The following PDZD2 variants were observed in gnomAD, a reference collection of about 807,000 sequenced individuals.
The protein encoded by PDZD2 is PDZ domain containing 2, also known as PDZ domain-containing protein 2.
PDZD2 carries 90 observed loss-of-function variants against 220.7 expected under a neutral mutation model. The ratio of observed to expected loss-of-function variants is 0.41; its 90% CI spans 0.34 to 0.49. PDZD2 has a LOEUF of 0.49. PDZD2 is among the 20% of genes least tolerant of loss of function. PDZD2 has a pLI of 0.28. For missense variants in PDZD2, 3,174 were observed against 3,608.5 expected (o/e 0.88, Z 3.08); for synonymous variants, 1,375 against 1,450.5 (o/e 0.95, Z 1.18).
Position 32,098,310 on chromosome 5 carries a change from C to A in PDZD2, c.7948-54C>A. ...GCAGTTAGTTACTATCTCCCTTTTA[C>A]CGGAAATCGTAAGTGGATCTGGTTT... is the stretch of plus-strand genomic sequence containing the variant. On this transcript the variant is annotated intron_variant, in intron 22 of 24. Transcript: ENST00000438447. This position sits in a 1 kb window ranked among gnomAD's most constrained non-coding sequence, Gnocchi z 4.1. 1 of 1,560,200 alleles carries A rather than the reference C, an allele frequency of 6.4e-7. No homozygotes were observed. Among genetic ancestry groups the A allele is most frequent in the South Asian group, 1.2e-5 (1 of 86,248 alleles).
chr5:31,678,462 G>A lies in PDZD2; in HGVS notation c.-361+39025G>A, dbSNP rs572454191. ...GGGACAGTCAGTTCTGGTGGGGGAC[G>A]TCTGGAGCCTGGGGACAGTCAGTTC... On this transcript the variant is annotated intron_variant, in intron 1 of 24. Transcript: ENST00000438447. Among the ~76,000 whole-genome samples the A allele has an allele frequency of 2.1e-4, 32 of 151,704 alleles. No homozygotes were observed. The South Asian group carries it at 2.9e-3, about 14-fold the overall frequency.
rs1554045976 is a variant in PDZD2, at chr5:32,109,128, T to TAA, written c.*994_*995dup. ...AATTTTTAGAAATCAAGTATCTTTCTAAGTGTCCTTGGATTTATAGACAAT... is the reference window on the plus strand; with the variant it reads ...AATTTTTAGAAATCAAGTATCTTTCTAAAAGTGTCCTTGGATTTATAGACAAT... On this transcript the variant is annotated 3_prime_UTR_variant, in exon 25 of 25. Transcript: ENST00000438447. 31 of 152,456 alleles carry TAA rather than the reference T, an allele frequency of 2.0e-4. No individual in the cohort carries two copies. The highest frequency in any genetic ancestry group is 7.0e-4 in the African/African-American group (29 of 41,504). 9.4% of individuals were successfully genotyped at this position (152,456 alleles called of 1,614,324 possible).
intron 8 of PDZD2, among the ~76,000 whole-genome samples, chr5:32,050,688 G>T: frequency 6.6e-6 from 1 of 152,208 alleles, no homozygotes; most frequent in African/African-American, 2.4e-5. Flanking sequence ...GGGTATGGTC[G>T]TGCATACCTG....
intron 6 of PDZD2, among the ~76,000 whole-genome samples, chr5:32,032,664 A>T (rs1480521605): frequency 6.6e-6 from 1 of 152,140 alleles, no homozygotes; most frequent in African/African-American, 2.4e-5. Flanking sequence ...CCTAAAAAAA[A>T]TTTTCCCTGT....
intron 2 of PDZD2, among the ~76,000 whole-genome samples, chr5:31,897,218 T>C (rs1466309476): frequency 6.6e-6 from 1 of 152,192 alleles, no homozygotes; most frequent in East Asian, 1.9e-4. Flanking sequence ...CTAACTCAAA[T>C]CTTGAAATTT....
At chr5:31,730,079 C>T (rs1407483363) in intron 1 of PDZD2, among the ~76,000 whole-genome samples, 1 of 152,200 alleles carries the variant, frequency 6.6e-6, no homozygotes, top group African/African-American at 2.4e-5. Context: ...CTGCCTGACT[C>T]AGCCTCCCAA....
intron 2 of PDZD2, among the ~76,000 whole-genome samples, chr5:31,940,580 A>G (rs774591184): frequency 6.6e-6 from 1 of 152,228 alleles, no homozygotes; most frequent in African/African-American, 2.4e-5. Context: ...GAAGAGAAGG[A>G]TCACCCTATA....
Position 31,698,790 on chromosome 5 carries a change from G to A in PDZD2, c.-361+59353G>A, listed in dbSNP as rs185259052. Among the ~76,000 whole-genome samples, 589 of 152,254 alleles carry A rather than the reference G, an allele frequency of 3.9e-3. 4 individuals carry two copies. The highest frequency in any genetic ancestry group is 6.1e-3 in the Non-Finnish European group (415 of 68,014). ...TAAGTAGGTGGCCCCAAGGTTACAC[G>A]AGGAAGTACCTGCACAAGGAAGTAC... On this transcript the variant is annotated intron_variant, in intron 1 of 24. Coordinates refer to ENST00000438447, the MANE Select transcript of PDZD2 (RefSeq NM_178140.4).
At chr5:31,776,382 T>C (rs1381921766) in intron 1 of PDZD2, among the ~76,000 whole-genome samples, 1 of 152,200 alleles carries the variant, frequency 6.6e-6, no homozygotes, top group Non-Finnish European at 1.5e-5. Context: ...CTCCCTGCCC[T>C]GTGGTCTCAC....
intron 2 of PDZD2, among the ~76,000 whole-genome samples, chr5:31,907,687 A>T (rs1432281588): frequency 1.3e-5 from 2 of 152,192 alleles, no homozygotes; most frequent in African/African-American, 2.4e-5. Context: ...TTATGAAGAA[A>T]GTCTTGCTAT....
At chr5:31,887,732 C>T (rs1258325189) in intron 2 of PDZD2, among the ~76,000 whole-genome samples, 1 of 152,096 alleles carries the variant, frequency 6.6e-6, no homozygotes, top group African/African-American at 2.4e-5. Flanking sequence ...TCAAGAATGA[C>T]ACAGGCTCAA....
At chr5:31,907,715 C>A (rs996469395) in intron 2 of PDZD2, among the ~76,000 whole-genome samples, 3 of 151,994 alleles carry the variant, frequency 2.0e-5, no homozygotes, top group Non-Finnish European at 2.9e-5. Context: ...GGATTTTATT[C>A]CTTAATCCCC....
At chr5:31,798,699 G>C (rs1337683840) in intron 1 of PDZD2, among the ~76,000 whole-genome samples, 190 bp from the exon 2 acceptor site, 1 of 152,186 alleles carries the variant, frequency 6.6e-6, no homozygotes, top group Non-Finnish European at 1.5e-5. Flanking sequence ...GCGTCTGTCT[G>C]AGAGAAGGGA....
intron 2 of PDZD2, among the ~76,000 whole-genome samples, chr5:31,865,832 C>T (rs1490573884): frequency 1.3e-5 from 2 of 151,024 alleles, no homozygotes; most frequent in Non-Finnish European, 2.9e-5. Flanking sequence ...TGGGTTTCAC[C>T]GTGTTAGCCA....
intron 2 of PDZD2, among the ~76,000 whole-genome samples, chr5:31,898,901 C>T (rs1741830280): frequency 6.7e-6 from 1 of 149,202 alleles, no homozygotes; most frequent in Non-Finnish European, 1.5e-5. Flanking sequence ...GATCTCGGCT[C>T]ACTGCAAGCT....
Position 31,676,108 on chromosome 5 carries a change from TATCCTTTGAACAAACATTGGAC to T in PDZD2, c.-361+36672_-361+36693del, listed in dbSNP as rs377162922. ...AATGCCTATTTTATACTCTTAAGTT[TATCCTTTGAACAAACATTGGAC>T]TGGCCATGAGTTAGCCTTAAGCTTT... On this transcript the variant is annotated intron_variant, in intron 1 of 24. Coordinates refer to ENST00000438447, the MANE Select transcript of PDZD2 (RefSeq NM_178140.4). Among the ~76,000 whole-genome samples the T allele has an allele frequency of 6.7e-3, 1,018 of 152,370 alleles. 10 individuals carry two copies. The highest frequency in any genetic ancestry group is 0.024 in the African/African-American group (981 of 41,584).
At chr5:31,780,021 A>G (rs1752965720) in intron 1 of PDZD2, among the ~76,000 whole-genome samples, 1 of 152,142 alleles carries the variant, frequency 6.6e-6, no homozygotes, top group Non-Finnish European at 1.5e-5. Context: ...TACCCCTTAG[A>G]AGCCCTGAGA....
At chr5:32,008,585 A>G (rs1398033501) in intron 5 of PDZD2, among the ~76,000 whole-genome samples, 2 of 152,138 alleles carry the variant, frequency 1.3e-5, no homozygotes, top group Non-Finnish European at 2.9e-5. Context: ...GCGCCCAGCC[A>G]GTTGAATCTC....
chr5:31,719,007 C>G (rs1748622434), intron 1 of PDZD2, among the ~76,000 whole-genome samples: 1 of 152,090 alleles, frequency 6.6e-6, no homozygotes, highest in South Asian at 2.1e-4. Context: ...GCCTAACCGC[C>G]TCATGTTAAC....
Sources: allele counts gnomAD v4.1 joint callset (sites outside exome capture counted in the v4.1 genomes callset), GRCh38; gene constraint gnomAD v4.1.1; non-coding constraint Gnocchi (gnomAD v3.1); transcripts MANE v1.5; gene names NCBI Gene and HGNC (gene_info 2026-07-23, HGNC 2026-07-21).